Variants in IPO4 observed in about 807,000 individuals in gnomAD.
The protein encoded by IPO4 is importin 4.
In IPO4, 91 loss-of-function variants were observed where a neutral mutation model predicts 133.5. That is an observed-to-expected ratio of 0.68 (90% CI 0.58 to 0.81). The LOEUF (loss-of-function observed/expected upper bound fraction) is 0.81, where lower values mean the gene tolerates loss of function less well. Among genes scored for constraint, IPO4 ranks in the 30% least tolerant of loss-of-function variants. The probability of loss-of-function intolerance (pLI) is 0.00; values close to 1 mark genes in which losing one functional copy is unlikely to be tolerated. For synonymous variants in IPO4, 607 were observed against 581.6 expected (o/e 1.04, Z -0.63); for missense variants, 1,279 against 1,386.2 (o/e 0.92, Z 1.23).
chr14:24,183,756 C>A, intron 19 of IPO4, 27 bp downstream of exon 19: 1 of 1,614,176 alleles, frequency 6.2e-7, no homozygotes, highest in South Asian at 1.1e-5. Flanking sequence ...AGTCTAGATT[C>A]CTGATCAGAA....
At chr14:24,182,522 G>A (rs1279525215) in intron 24 of IPO4, 119 bp from the exon 25 acceptor site, 2 of 1,392,032 alleles carry the variant, frequency 1.4e-6, no homozygotes, top group East Asian at 4.9e-5. Context: ...GATAGGGCTG[G>A]CCCCTCTCAA....
chr14:24,188,230 C>A lies in IPO4; in HGVS notation c.264G>T (p.Leu88=). 1 of 1,613,562 alleles carries A rather than the reference C, an allele frequency of 6.2e-7. No individual in the cohort carries two copies. The highest frequency in any genetic ancestry group is 8.5e-7 in the Non-Finnish European group (1 of 1,179,756). ...TAGGTACTTACTCTGTTTCTCTCTG[C>A]AGGGCCGTCAGGATCAGGGACTTGA... is the stretch of plus-strand genomic sequence containing the variant. ...ESLKSLILTA[L]QRETEHCVSL... Residue 88 remains leucine (L), a synonymous_variant, in exon 4 of 30, where the codon CTG becomes CTT. Transcript: ENST00000354464.
At position 24,188,395 on chromosome 14, in the gene IPO4, C is replaced by A. The variant is rs759734437; in HGVS notation, c.185G>T (p.Arg62Leu). Residue 62 changes from arginine to leucine, a missense_variant, in exon 3 of 30, where the codon CGC becomes CTC. By Grantham distance (102) the Arg-to-Leu change is moderately radical. Around this residue, in one of 3 missense-constraint regions of IPO4, gnomAD observed 695 missense variants for 704.1 expected, o/e 0.99. Coordinates refer to ENST00000354464, the MANE Select transcript of IPO4 (RefSeq NM_024658.4). ...TCGCCAGCGGGTGTTCAGTCGTCTG[C>A]GGGTCAGCACGGCCGCAAACTGGCG... Reference protein sequence around the residue: ...QIRQFAAVLTRRRLNTRWRRL... With the variant: ...QIRQFAAVLTLRRLNTRWRRL... The A allele has an allele frequency of 1.9e-6, 3 of 1,612,312 alleles. No homozygotes were observed. The highest frequency in any genetic ancestry group is 2.2e-5 in the East Asian group (1 of 44,880).
At position 24,186,919 on chromosome 14, in the gene IPO4, T is replaced by C. The variant is rs763348892; in HGVS notation, c.715A>G (p.Ile239Val). The stretch of plus-strand genomic sequence containing the variant: ...AGGACTTCAGAGAGGTAGGGGGTGA[T>C]GACCGGCACCTCTGACTCCAACAGT... ...DELLESEVPV[I>V]TPYLSEVLTF... Residue 239 changes from isoleucine to valine, a missense_variant, in exon 8 of 30, where the codon ATC becomes GTC. Coordinates refer to ENST00000354464, the MANE Select transcript of IPO4 (RefSeq NM_024658.4). 31 of 1,614,006 alleles carry C rather than the reference T, an allele frequency of 1.9e-5. No individual in the cohort carries two copies. The highest frequency in any genetic ancestry group is 2.3e-5 in the Non-Finnish European group (27 of 1,180,024).
At chr14:24,181,871 C>T (rs765326373) in intron 26 of IPO4, 28 bp from the exon 27 acceptor site, 23 of 1,601,546 alleles carry the variant, frequency 1.4e-5, no homozygotes, top group African/African-American at 5.3e-5. Context: ...AATGGCCACA[C>T]GCTCAGGTAG....
Position 24,188,385 on chromosome 14 carries a change from C to T in IPO4, c.195G>A (p.Leu65=). 1 of 1,612,994 alleles carries T rather than the reference C, an allele frequency of 6.2e-7. No individual in the cohort carries two copies. The highest frequency in any genetic ancestry group is 1.1e-5 in the South Asian group (1 of 91,080). ...QFAAVLTRRR[L]NTRWRRLAAE... ...CCGCCAGCCGTCGCCAGCGGGTGTT[C>T]AGTCGTCTGCGGGTCAGCACGGCCG... The change falls in exon 3 of 30, where the codon CTG becomes CTA. Residue 65 remains leucine (L), a synonymous_variant. Coordinates refer to ENST00000354464, the MANE Select transcript of IPO4 (RefSeq NM_024658.4).
rs1311818690 is a variant in IPO4, at chr14:24,186,451, C to T, written c.841G>A (p.Ala281Thr). The change falls in exon 10 of 30, where the codon GCC (alanine) becomes ACC (threonine). Residue 281 changes from alanine to threonine, a missense_variant and splice_region_variant. This residue lies in a region of IPO4 where 695 missense variants were observed against 704.1 expected (regional missense o/e 0.99). Transcript: ENST00000354464. ...GGCAGGAGACGATTCTTCAGTAAGG[C>T]CTTGACAGAGAAGGTGGAACAGTGT... ...LTFLVKVKSKALLKNRLLPPL... is the reference protein window; with the variant it reads ...LTFLVKVKSKTLLKNRLLPPL... 1 of 1,575,610 alleles carries T rather than the reference C, an allele frequency of 6.3e-7. No individual in the cohort carries two copies. Among genetic ancestry groups the T allele is most frequent in the East Asian group, 2.3e-5 (1 of 44,426 alleles).
At chr14:24,184,459 T>TG in intron 16 of IPO4, 41 bp from the exon 17 acceptor site, 1 of 1,587,962 alleles carries the variant, frequency 6.3e-7, no homozygotes, top group South Asian at 1.1e-5. Flanking sequence ...GAGGTGGAGG[T>TG]GGGCTACGGG....
At chr14:24,184,791 C>G in intron 15 of IPO4, 28 bp from the exon 16 acceptor site, 1 of 1,606,724 alleles carries the variant, frequency 6.2e-7, no homozygotes, top group Non-Finnish European at 8.5e-7. Flanking sequence ...AGAATCAGAG[C>G]TGGAGAGGGC....
chr14:24,183,389 A>G, intron 21 of IPO4, 34 bp from the exon 22 acceptor site: 1 of 1,594,410 alleles, frequency 6.3e-7, no homozygotes, highest in South Asian at 1.1e-5. Context: ...TATGTCTGCT[A>G]TGTGCACCGT....
At chr14:24,187,195 C>T (rs1246498894) in intron 6 of IPO4, 45 bp from the exon 7 acceptor site, 4 of 1,594,962 alleles carry the variant, frequency 2.5e-6, no homozygotes, top group Admixed American at 3.3e-5. Flanking sequence ...CAATCTCACA[C>T]CCCAGCAGCT....
intron 11 of IPO4, 34 bp downstream of exon 11, chr14:24,186,095 G>A (rs141282306): frequency 5.0e-6 from 8 of 1,612,696 alleles, no homozygotes; most frequent in Non-Finnish European, 6.8e-6. Context: ...CACACTTGGA[G>A]GTAGGGACAC....
chr14:24,186,018 C>G (rs760992132), intron 11 of IPO4, 48 bp from the exon 12 acceptor site: 2 of 1,592,248 alleles, frequency 1.3e-6, no homozygotes, highest in South Asian at 2.2e-5. Flanking sequence ...AGAGCCTGCC[C>G]ATTCCTGTGG....
chr14:24,186,518 CCA>C (rs2039225736), intron 9 of IPO4, 67 bp from the exon 10 acceptor site: 1 of 1,504,488 alleles, frequency 6.6e-7, no homozygotes, highest in Non-Finnish European at 8.9e-7. Context: ...ATTAAAAATT[CCA>C]GTCTTCCAGG....
Position 24,182,263 on chromosome 14 carries a change from A to G in IPO4, c.2598+15T>C. On this transcript the variant is annotated intron_variant, in intron 25 of 29. Transcript: ENST00000354464. ...CGAGGGGACTAGGGCTTGAAGCCAG[A>G]AGATGGACACTCACTGTCTTGCACA... 6.2e-7 allele frequency: 1 copy of G among 1,614,158 alleles called. No individual in the cohort carries two copies. The highest frequency in any genetic ancestry group is 1.1e-5 in the South Asian group (1 of 91,086).
rs367756147 is a variant in IPO4 at position 24,186,309 on chromosome 14, G to A, written c.983C>T (p.Thr328Ile). The change falls in exon 10 of 30, where the codon ACT becomes ATT. Residue 328 changes from threonine to isoleucine, a missense_variant. By Grantham distance (89) the Thr-to-Ile change is moderately conservative. This residue lies in a region of IPO4 where 695 missense variants were observed against 704.1 expected (regional missense o/e 0.99). Coordinates refer to ENST00000354464, the MANE Select transcript of IPO4 (RefSeq NM_024658.4). ...CACTTGTACAGCGAAATGCTTGGGA[G>A]TCTCCCCCATCAGCTCAATCTCCAA... ...EELEIELMGE[T>I]PKHFAVQVVD... 5.8e-5 allele frequency: 94 copies of A among 1,608,608 alleles called. No homozygotes were observed. The highest frequency in any genetic ancestry group is 2.8e-4 in the Admixed American group (17 of 59,692).
rs759738525 is a variant in IPO4, at chr14:24,188,192, CGA to C, written c.278+22_278+23del. 8 of 1,609,506 alleles carry C rather than the reference CGA, an allele frequency of 5.0e-6. No individual in the cohort carries two copies. The Admixed American group carries it at 1.0e-4, about 20-fold the overall frequency. The stretch of plus-strand genomic sequence containing the variant: ...AACCTAGACAAAGTCGTCAAGATCC[CGA>C]GAGAAGTGGGTAGGTACTTACTCTG... On this transcript the variant is annotated intron_variant, in intron 4 of 29. Transcript: ENST00000354464.
intron 24 of IPO4, 49 bp from the exon 25 acceptor site, chr14:24,182,452 G>A (rs1299115569): frequency 6.3e-7 from 1 of 1,582,872 alleles, no homozygotes; most frequent in Admixed American, 1.8e-5. Context: ...CTCAGTGACT[G>A]TACACCTCCC....
At chr14:24,182,489 G>A in intron 24 of IPO4, 86 bp from the exon 25 acceptor site, 1 of 1,533,916 alleles carries the variant, frequency 6.5e-7, no homozygotes, top group Non-Finnish European at 8.8e-7. Flanking sequence ...CAGCTGCAGG[G>A]GTCCCTGGGG....
Sources: allele counts gnomAD v4.1 joint callset, GRCh38; gene constraint gnomAD v4.1.1; regional missense constraint gnomAD v4.1.1; transcripts MANE v1.5; gene names NCBI Gene and HGNC (gene_info 2026-07-23, HGNC 2026-07-21).